PDE4D: variants seen among roughly 807,000 people sequenced by gnomAD.
PDE4D encodes the protein 3',5'-cyclic-AMP phosphodiesterase 4D.
Under a neutral mutation model 87.4 loss-of-function variants are expected in PDE4D, and 24 were observed. That is an observed-to-expected ratio of 0.27 (90% CI 0.20 to 0.39). The LOEUF (loss-of-function observed/expected upper bound fraction) is 0.39, where lower values mean the gene tolerates loss of function less well. PDE4D is among the 10% of genes least tolerant of loss of function. PDE4D has a pLI of 1.00. For synonymous variants in PDE4D, 384 were observed against 383.2 expected (o/e 1.00, Z -0.02); for missense variants, 714 against 1,041.0 (o/e 0.69, Z 4.32).
intron 1 of PDE4D, among the ~76,000 whole-genome samples, chr5:59,502,532 TA>T (rs1429703436): frequency 6.6e-6 from 1 of 152,046 alleles, no homozygotes; most frequent in African/African-American, 2.4e-5. Flanking sequence ...TAATGAAACA[TA>T]AATTTAAAAA....
chr5:59,131,645 C>CACAT (rs60337924), intron 5 of PDE4D, among the ~76,000 whole-genome samples: 6,313 of 146,338 alleles, frequency 0.043, 296 homozygotes, highest in African/African-American at 0.083. Flanking sequence ...CACACACACA[C>CACAT]ATTAATGAGA....
At chr5:59,967,986 T>C (rs1242120131) in intron 3 of PDE4D, among the ~76,000 whole-genome samples, 1 of 141,364 alleles carries the variant, frequency 7.1e-6, no homozygotes, top group Non-Finnish European at 1.5e-5. Context: ...TTTTTTTTTT[T>C]TTTTTTTTTT....
chr5:59,487,414 A>G (rs1160426632), intron 1 of PDE4D, among the ~76,000 whole-genome samples: 1 of 152,164 alleles, frequency 6.6e-6, no homozygotes, highest in East Asian at 1.9e-4. Context: ...AAGTAGGTAA[A>G]ACTTGAAAAT....
chr5:60,047,003 CTTT>C (rs1562020545), intron 2 of PDE4D, among the ~76,000 whole-genome samples: 2 of 151,906 alleles, frequency 1.3e-5, no homozygotes, highest in Non-Finnish European at 2.9e-5. Context: ...GTCCTGGACT[CTTT>C]TTGGTTGGTA....
chr5:60,132,927 T>C (rs1779712298), intron 2 of PDE4D, among the ~76,000 whole-genome samples: 1 of 152,200 alleles, frequency 6.6e-6, no homozygotes, highest in Admixed American at 6.5e-5. Context: ...GTAAAGGCAC[T>C]TTCAGGCATA....
In PDE4D at chr5:59,247,456, C is replaced by T. The variant is rs565585515; in HGVS notation, c.456-31488G>A. Among the ~76,000 whole-genome samples the T allele has an allele frequency of 3.9e-5, 6 of 152,188 alleles. No homozygotes were observed. In the South Asian group the frequency reaches 1.2e-3, roughly 32 times the overall value. ...GGGCAACTTCAATTTCCCAGAGCCT[C>T]CGTAATGGGCACTTTAGGAGAGGTG... is the stretch of plus-strand genomic sequence containing the variant. On this transcript the variant is annotated intron_variant, in intron 1 of 14. Transcript: ENST00000340635.
chr5:59,668,804 A>AAG lies in PDE4D; in HGVS notation c.455+224363_455+224364insCT, dbSNP rs1219213121. Among the ~76,000 whole-genome samples, 381 of 108,076 alleles carry AAG rather than the reference A, an allele frequency of 3.5e-3. 29 individuals carry two copies. The highest frequency in any genetic ancestry group is 4.2e-3 in the Non-Finnish European group (224 of 53,866). 70.9% of individuals were successfully genotyped at this position (108,076 alleles called of 152,430 possible). ...AAGAAGAAGAAGAAAGAAGAAGAAG[A>AAG]AAGAAGAAGAAGAAGAAGAAGAAGA... On this transcript the variant is annotated intron_variant, in intron 1 of 14. Transcript: ENST00000340635.
chr5:60,145,462 A>G (rs1413443069), intron 2 of PDE4D, among the ~76,000 whole-genome samples: 1 of 152,218 alleles, frequency 6.6e-6, no homozygotes, highest in Non-Finnish European at 1.5e-5. Flanking sequence ...TCATCTTAAC[A>G]TTGCTTTCAT....
intron 1 of PDE4D, among the ~76,000 whole-genome samples, chr5:59,731,029 A>G (rs1372012576): frequency 2.0e-5 from 3 of 152,114 alleles, no homozygotes; most frequent in Non-Finnish European, 4.4e-5. Flanking sequence ...ACTGTGGCTG[A>G]CACTGCTGAT....
rs529606391 is a variant in PDE4D, at chr5:59,775,970, T to C, written c.455+117198A>G. Among the ~76,000 whole-genome samples the C allele has an allele frequency of 1.5e-4, 23 of 152,340 alleles. No homozygotes were observed. In the South Asian group the frequency reaches 4.6e-3, roughly 30 times the overall value. ...CATCTGTTCCAGTCATTCTGTTTTT[T>C]GAATATGGTTTCTATGAGACAGTGT... On this transcript the variant is annotated intron_variant, in intron 1 of 14. Coordinates refer to ENST00000340635, the MANE Select transcript of PDE4D (RefSeq NM_001104631.2).
chr5:59,744,804 G>A (rs937427693), intron 1 of PDE4D, among the ~76,000 whole-genome samples: 3 of 152,170 alleles, frequency 2.0e-5, no homozygotes, highest in African/African-American at 7.2e-5. Flanking sequence ...TCATGTGACA[G>A]TAGTATTGAA....
At chr5:59,200,697 ATGTATAGATACACGTATACATACATATG>A (rs1747091956) in intron 2 of PDE4D, among the ~76,000 whole-genome samples, 1 of 119,588 alleles carries the variant, frequency 8.4e-6, no homozygotes, top group Non-Finnish European at 1.7e-5. Flanking sequence ...ACATATGTGT[ATGTATAGATACACGTATACATACATATG>A]TGTATGTATA....
intron 1 of PDE4D, among the ~76,000 whole-genome samples, chr5:59,469,343 A>G (rs1288166662): frequency 3.3e-5 from 5 of 152,070 alleles, no homozygotes; most frequent in Non-Finnish European, 5.9e-5. Context: ...ACAAACAAAC[A>G]AACAAACAAA....
At chr5:59,460,491 A>G (rs1403305001) in intron 1 of PDE4D, among the ~76,000 whole-genome samples, 1 of 152,090 alleles carries the variant, frequency 6.6e-6, no homozygotes, top group East Asian at 1.9e-4. Flanking sequence ...AAGGCTACTC[A>G]GGAACAATGA....
chr5:59,605,925 A>G (rs1384295995), intron 1 of PDE4D, among the ~76,000 whole-genome samples: 1 of 152,138 alleles, frequency 6.6e-6, no homozygotes, highest in Non-Finnish European at 1.5e-5. Context: ...TAACTTGGCT[A>G]CTTTATTACA....
chr5:60,370,475 G>A lies in PDE4D; in HGVS notation c.-90+117467C>T, dbSNP rs375735927. Among the ~76,000 whole-genome samples, 34 of 152,198 alleles carry A rather than the reference G, an allele frequency of 2.2e-4. No individual in the cohort carries two copies. In the East Asian group the frequency reaches 6.2e-3, roughly 28 times the overall value. Reference sequence around the variant, plus strand: ...CTTCATGAAATTTGTGGGAAGATAAGCAATATATAAGGAAAGGCAAGAATA... The same window carrying A: ...CTTCATGAAATTTGTGGGAAGATAAACAATATATAAGGAAAGGCAAGAATA... On this transcript the variant is annotated intron_variant, in intron 1 of 16. Transcript: ENST00000502484.
At position 59,046,539 on chromosome 5, in the gene PDE4D, A is replaced by ATGTG. The variant is rs35264771; in HGVS notation, c.809-7572_809-7569dup. Among the ~76,000 whole-genome samples, 109 of 143,760 alleles carry ATGTG rather than the reference A, an allele frequency of 7.6e-4. 1 individual carries two copies. The highest frequency in any genetic ancestry group is 4.1e-3 in the Admixed American group (59 of 14,508). 94.3% of individuals were successfully genotyped at this position (143,760 alleles called of 152,430 possible). On this transcript the variant is annotated intron_variant, in intron 5 of 14. Coordinates refer to ENST00000340635, the MANE Select transcript of PDE4D (RefSeq NM_001104631.2). ...CCAATCATCAATAAGGTTATTGAAGATGTGTGTGTGTGTGTGTGTGTGTGT... is the reference window on the plus strand; with the variant it reads ...CCAATCATCAATAAGGTTATTGAAGATGTGTGTGTGTGTGTGTGTGTGTGTGTGT...
chr5:59,028,131 A>C (rs542597341), intron 6 of PDE4D, among the ~76,000 whole-genome samples: 6 of 152,278 alleles, frequency 3.9e-5, no homozygotes, highest in African/African-American at 1.4e-4. Flanking sequence ...TGCTAGAAAA[A>C]GCTCAGAGAT....
chr5:60,141,112 A>G (rs891685521), intron 2 of PDE4D, among the ~76,000 whole-genome samples: 2 of 152,004 alleles, frequency 1.3e-5, no homozygotes, highest in African/African-American at 4.8e-5. Context: ...ACTCTTTTTT[A>G]TAGGAAAATT....
Sources: allele counts gnomAD v4.1 joint callset (sites outside exome capture counted in the v4.1 genomes callset), GRCh38; gene constraint gnomAD v4.1.1; transcripts MANE v1.5; gene names NCBI Gene and HGNC (gene_info 2026-07-23, HGNC 2026-07-21).